TSHR: variants seen among roughly 807,000 people sequenced by gnomAD.
The protein encoded by TSHR is thyroid stimulating hormone receptor.
A neutral mutation model predicts 64.1 loss-of-function variants in TSHR; 51 were observed. The observed-to-expected ratio is 0.80, with a 90% CI of 0.64 to 1.01. The LOEUF (loss-of-function observed/expected upper bound fraction) is 1.01, where lower values mean the gene tolerates loss of function less well. Ranked by LOEUF, TSHR falls within the 50% of genes least tolerant of loss-of-function variation. TSHR has a pLI of 0.00. For missense variants in TSHR, 877 were observed against 942.8 expected, an observed-to-expected ratio of 0.93 and a Z score of 0.91; for synonymous variants, 361 against 361.9, an observed-to-expected ratio of 1.00 and a Z score of 0.03.
intron 1 of TSHR, among the ~76,000 whole-genome samples, chr14:81,036,485 A>T (rs1471884729): frequency 6.6e-6 from 1 of 152,308 alleles, no homozygotes; most frequent in African/African-American, 2.4e-5. Context: ...TCTACCTAGA[A>T]TACTACACCC....
chr14:80,965,328 T>C (rs563841662), intron 1 of TSHR, among the ~76,000 whole-genome samples: 68 of 152,338 alleles, frequency 4.5e-4, no homozygotes, highest in African/African-American at 1.6e-3. Context: ...TCCAGTGGTA[T>C]AGTGAGTTGA....
At chr14:81,005,148 A>G (rs558671119) in intron 1 of TSHR, among the ~76,000 whole-genome samples, 8 of 152,236 alleles carry the variant, frequency 5.3e-5, no homozygotes, top group African/African-American at 1.9e-4. Flanking sequence ...GTACTTGTCT[A>G]TGCACTGGTC....
At chr14:81,069,698 G>T (rs1158193515) in intron 3 of TSHR, among the ~76,000 whole-genome samples, 4 of 152,102 alleles carry the variant, frequency 2.6e-5, no homozygotes, top group Non-Finnish European at 5.9e-5. Context: ...GATCACTAAA[G>T]AGCTTCATCC....
Position 81,143,945 on chromosome 14 carries a change from G to A in TSHR, c.1887G>A (p.Leu629=), listed in dbSNP as rs121908877. 2 of 1,614,200 alleles carry A rather than the reference G, an allele frequency of 1.2e-6. No individual in the cohort carries two copies. The highest frequency in any genetic ancestry group is 1.7e-5 in the Admixed American group (1 of 60,026). The part of the protein sequence containing the change: ...DTKIAKRMAV[L]IFTDFICMAP... ...AAATTGCCAAGAGGATGGCTGTGTT[G>A]ATCTTCACCGACTTCATATGCATGG... The change falls in exon 10 of 10, where the codon TTG becomes TTA. Residue 629 remains leucine (L), a synonymous_variant. Coordinates refer to ENST00000298171, the MANE Select transcript of TSHR (RefSeq NM_000369.5).
At chr14:81,006,134 T>A (rs1265061910) in intron 1 of TSHR, among the ~76,000 whole-genome samples, 1 of 152,184 alleles carries the variant, frequency 6.6e-6, no homozygotes, top group Non-Finnish European at 1.5e-5. Context: ...TTTAGAACAG[T>A]TTTAGGTTTT....
intron 1 of TSHR, chr14:80,992,431 G>A (rs1468017223): frequency 2.0e-5 from 3 of 147,430 alleles, no homozygotes; most frequent in Non-Finnish European, 4.5e-5. Flanking sequence ...GCTAGTGAGT[G>A]ACTATTTAAG....
intron 1 of TSHR, among the ~76,000 whole-genome samples, chr14:80,972,812 G>A (rs1164876855): frequency 1.3e-5 from 2 of 152,128 alleles, no homozygotes; most frequent in Non-Finnish European, 1.5e-5. Flanking sequence ...TCTGCTCTCC[G>A]TCCACATGGG....
At chr14:80,993,698 C>A (rs1888861211) in intron 1 of TSHR, 1 of 152,064 alleles carries the variant, frequency 6.6e-6, no homozygotes, top group Non-Finnish European at 1.5e-5. Flanking sequence ...CATGGCCACC[C>A]CACTTTGCAG....
chr14:80,981,327 G>A (rs1360584460), intron 1 of TSHR, among the ~76,000 whole-genome samples: 1 of 152,070 alleles, frequency 6.6e-6, no homozygotes, highest in Non-Finnish European at 1.5e-5. Flanking sequence ...TCTCAAGAAG[G>A]TTTTTTTAAA....
At chr14:81,029,548 T>C (rs1884242339) in intron 1 of TSHR, among the ~76,000 whole-genome samples, 1 of 152,102 alleles carries the variant, frequency 6.6e-6, no homozygotes, top group African/African-American at 2.4e-5. Context: ...TATATGTGAC[T>C]TGATTTTCAG....
Position 81,037,012 on chromosome 14 carries a change from G to A in TSHR, c.171-25136G>A, listed in dbSNP as rs111747680. 3.2e-3 allele frequency among the ~76,000 whole-genome samples: 490 copies of A among 151,996 alleles called. 2 individuals carry two copies. Among genetic ancestry groups the A allele is most frequent in the African/African-American group, 0.011 (468 of 41,484 alleles). ...ACAAAAATTAGCTGGGTGTGGTGGT[G>A]TGTGCCTGCAGTCCCAGGTACTCAG... On this transcript the variant is annotated intron_variant, in intron 1 of 9. Coordinates refer to ENST00000298171, the MANE Select transcript of TSHR (RefSeq NM_000369.5).
chr14:81,137,003 C>T (rs987854521), intron 8 of TSHR, among the ~76,000 whole-genome samples: 2 of 152,170 alleles, frequency 1.3e-5, no homozygotes, highest in Admixed American at 6.5e-5. Context: ...ATGACTCCAC[C>T]CTTGGTTCAC....
intron 3 of TSHR, among the ~76,000 whole-genome samples, chr14:81,081,299 A>G (rs1328635702): frequency 6.6e-6 from 1 of 152,216 alleles, no homozygotes; most frequent in African/African-American, 2.4e-5. Flanking sequence ...TACTTAACAG[A>G]ACAAAATAGT....
At chr14:80,994,671 A>G (rs1888915202) in intron 1 of TSHR, 1 of 152,222 alleles carries the variant, frequency 6.6e-6, no homozygotes, top group African/African-American at 2.4e-5. Flanking sequence ...ATATCTGGCT[A>G]GCCATATGCA....
In TSHR at chr14:81,104,616, G is replaced by A. The variant is rs577289448; in HGVS notation, c.615-3759G>A. The A allele has an allele frequency of 2.3e-4, 229 of 985,402 alleles. No homozygotes were observed. In the African/African-American group the frequency reaches 3.2e-3, roughly 14 times the overall value. 61.0% of individuals were successfully genotyped at this position (985,402 alleles called of 1,614,324 possible). On this transcript the variant is annotated intron_variant, in intron 7 of 9. Transcript: ENST00000298171. ...TTACTGAATGGCCGCTATGTGCCAC[G>A]AGTGAGTCCAACAGAAAAGGGCGTA...
intron 1 of TSHR, chr14:80,983,299 A>AT: frequency 8.7e-7 from 1 of 1,154,164 alleles, no homozygotes; most frequent in Admixed American, 2.3e-5. Context: ...CTGACTACTG[A>AT]TTTTGTCCAT....
chr14:81,144,019 T>C lies in TSHR; in HGVS notation c.1961T>C (p.Ile654Thr), dbSNP rs1566836131. The C allele has an allele frequency of 3.7e-6, 6 of 1,614,182 alleles. No individual in the cohort carries two copies. Among genetic ancestry groups the C allele is most frequent in the Admixed American group, 1.7e-5 (1 of 60,020 alleles). ...TCAGCAATTCTGAACAAGCCTCTCA[T>C]CACTGTTAGCAACTCCAAAATCTTG... ...ALSAILNKPLITVSNSKILLV... is the reference protein window; with the variant it reads ...ALSAILNKPLTTVSNSKILLV... Residue 654 changes from isoleucine (I) to threonine (T), a missense_variant, in exon 10 of 10, where the codon ATC becomes ACC. Physicochemically the swap from Ile to Thr is moderately conservative, Grantham distance 89. Transcript: ENST00000298171.
chr14:81,123,996 T>C (rs185637643), intron 8 of TSHR, among the ~76,000 whole-genome samples: 147 of 152,326 alleles, frequency 9.7e-4, no homozygotes, highest in African/African-American at 3.4e-3. Context: ...TTCATAATAA[T>C]CAGAGTTCTC....
intron 8 of TSHR, among the ~76,000 whole-genome samples, chr14:81,111,199 T>C (rs1890210527): frequency 6.6e-6 from 1 of 152,238 alleles, no homozygotes; most frequent in Admixed American, 6.5e-5. Flanking sequence ...GTCCAGGATA[T>C]ACAGCAAAGC....
Sources: allele counts gnomAD v4.1 joint callset (sites outside exome capture counted in the v4.1 genomes callset), GRCh38; gene constraint gnomAD v4.1.1; transcripts MANE v1.5; gene names NCBI Gene and HGNC (gene_info 2026-07-23, HGNC 2026-07-21).